Variants in PTK7 observed in about 807,000 individuals in gnomAD.
PTK7 encodes protein tyrosine kinase 7 (inactive), also known as inactive tyrosine-protein kinase 7.
Under a neutral mutation model 116.6 loss-of-function variants are expected in PTK7, and 39 were observed. The observed-to-expected ratio is 0.33, with a 90% CI of 0.26 to 0.44. The LOEUF (loss-of-function observed/expected upper bound fraction) is 0.44. PTK7 is among the 20% of genes least tolerant of loss of function. The pLI, the probability that PTK7 is intolerant of heterozygous loss-of-function variation, is 1.00. For synonymous variants in PTK7, 546 were observed against 563.6 expected (o/e 0.97, Z 0.44); for missense variants, 1,169 against 1,425.6 (o/e 0.82, Z 2.90).
chr6:43,147,247 G>T (rs895381015), intron 17 of PTK7, among the ~76,000 whole-genome samples: 1 of 152,226 alleles, frequency 6.6e-6, no homozygotes, highest in Non-Finnish European at 1.5e-5. Context: ...TGCCTTTTGC[G>T]CAGAGGTTGT....
At chr6:43,096,859 C>G (rs1253113503) in intron 1 of PTK7, among the ~76,000 whole-genome samples, 1 of 135,900 alleles carries the variant, frequency 7.4e-6, no homozygotes, top group Non-Finnish European at 1.6e-5. Flanking sequence ...CATTTGCATT[C>G]ATTAAAAGTA....
chr6:43,111,552 AACTCACATAAT>A (rs1205493548), intron 1 of PTK7, among the ~76,000 whole-genome samples: 8 of 152,254 alleles, frequency 5.3e-5, no homozygotes, highest in African/African-American at 1.9e-4. Context: ...TAAGAGTCCA[AACTCACATAAT>A]ACTTCCTATG....
At chr6:43,105,481 G>T (rs1301896801) in intron 1 of PTK7, among the ~76,000 whole-genome samples, 1 of 143,166 alleles carries the variant, frequency 7.0e-6, no homozygotes. Flanking sequence ...GCAACTTGCA[G>T]AATAGCAGAT....
chr6:43,139,528 G>GGGTACA lies in PTK7; in HGVS notation c.1618+5_1618+10dup. ...CACTATTAAGTGGGAACGGGCAGGTGGGTACAGTGCCGGCATAGGGTAGGG... is the reference window on the plus strand; with the variant it reads ...CACTATTAAGTGGGAACGGGCAGGTGGGTACAGGTACAGTGCCGGCATAGGGTAGGG... On this transcript the variant is annotated splice_donor_region_variant and intron_variant, in intron 10 of 19. Coordinates refer to ENST00000230419, the MANE Select transcript of PTK7 (RefSeq NM_002821.5). This position sits in a 1 kb window ranked among gnomAD's most constrained non-coding sequence, Gnocchi z 4.6. 1 of 1,614,086 alleles carries GGGTACA rather than the reference G, an allele frequency of 6.2e-7. No homozygotes were observed. Among genetic ancestry groups the GGGTACA allele is most frequent in the African/African-American group, 1.3e-5 (1 of 75,070 alleles).
intron 1 of PTK7, among the ~76,000 whole-genome samples, chr6:43,097,520 C>T (rs1767329118): frequency 6.6e-6 from 1 of 152,188 alleles, no homozygotes; most frequent in Admixed American, 6.5e-5. Flanking sequence ...TTATAGCTTT[C>T]ATCAGATTCT....
chr6:43,107,821 AT>A (rs1164956112), intron 1 of PTK7, among the ~76,000 whole-genome samples: 1 of 152,210 alleles, frequency 6.6e-6, no homozygotes, highest in Admixed American at 6.5e-5. Flanking sequence ...ATCGGCCGAT[AT>A]TTCCTGAGCA....
chr6:43,104,808 C>CG (rs1767775000), intron 1 of PTK7, among the ~76,000 whole-genome samples: 1 of 102,846 alleles, frequency 9.7e-6, no homozygotes, highest in South Asian at 3.3e-4. Context: ...ATTAGCACAA[C>CG]TTTTTTTTTT....
At chr6:43,096,889 T>C (rs1481425748) in intron 1 of PTK7, among the ~76,000 whole-genome samples, 2 of 144,500 alleles carry the variant, frequency 1.4e-5, no homozygotes, top group African/African-American at 2.6e-5. Context: ...GAGTGATATT[T>C]AAGGCAACAT....
intron 1 of PTK7, among the ~76,000 whole-genome samples, chr6:43,090,672 G>A (rs895453744): frequency 6.6e-6 from 1 of 152,172 alleles, no homozygotes; most frequent in Non-Finnish European, 1.5e-5. Context: ...GCAGACAAAG[G>A]TTTGGGATGG....
Position 43,142,167 on chromosome 6 carries a change from G to A in PTK7, c.1920-5G>A, listed in dbSNP as rs766676199. The stretch of plus-strand genomic sequence containing the variant: ...TGGCCAGCACTATGGCTTCTCCCCC[G>A]ACAGGATGCACATCTTCCAGAATGG... On this transcript the variant is annotated splice_region_variant and splice_polypyrimidine_tract_variant and intron_variant, in intron 12 of 19. Transcript: ENST00000230419. 3.8e-5 allele frequency: 61 copies of A among 1,613,658 alleles called. No homozygotes were observed. The highest frequency in any genetic ancestry group is 4.7e-5 in the Non-Finnish European group (55 of 1,179,938).
rs1204642215 is a variant in PTK7 at position 43,141,850 on chromosome 6, G to C, written c.1768+33G>C. The C allele has an allele frequency of 6.2e-7, 1 of 1,608,766 alleles. No homozygotes were observed. The highest frequency in any genetic ancestry group is 2.2e-5 in the East Asian group (1 of 44,776). On this transcript the variant is annotated intron_variant, in intron 11 of 19. Transcript: ENST00000230419. This position sits in a 1 kb window ranked among gnomAD's most constrained non-coding sequence, Gnocchi z 4.9. ...CGTGGCAGGGCCCTGGGGCTGGGAG[G>C]GCCCTCTGGGGTAGCACCGTGTACC...
At chr6:43,101,779 C>T (rs16896279) in intron 1 of PTK7, among the ~76,000 whole-genome samples, 8,162 of 152,144 alleles carry the variant, frequency 0.054, 539 homozygotes, top group East Asian at 0.32. Context: ...GTGTAAAAGT[C>T]TAATATAGAA....
rs376985084 is a variant in PTK7 at position 43,160,080 on chromosome 6, C to T, written c.3052+114C>T. The T allele has an allele frequency of 1.4e-4, 154 of 1,117,286 alleles. No individual in the cohort carries two copies. The African/African-American group carries it at 2.0e-3, about 14-fold the overall frequency. 69.2% of individuals were successfully genotyped at this position (1,117,286 alleles called of 1,614,324 possible). A position where few individuals can be genotyped will look rare whatever the true frequency, so the allele number is the denominator to read the frequency against. Reference sequence around the variant, plus strand: ...TCTCAGGGCTGCTACTGAGCAGGCACACAGATACAACCACTCTGGTTGTTA... The same window carrying T: ...TCTCAGGGCTGCTACTGAGCAGGCATACAGATACAACCACTCTGGTTGTTA... On this transcript the variant is annotated intron_variant, in intron 19 of 19. Coordinates refer to ENST00000230419, the MANE Select transcript of PTK7 (RefSeq NM_002821.5).
rs542251860 is a variant in PTK7, at chr6:43,095,461, A to G, written c.79+18894A>G. Among the ~76,000 whole-genome samples, 26 of 152,016 alleles carry G rather than the reference A, an allele frequency of 1.7e-4. 1 individual carries two copies. In the South Asian group the frequency reaches 2.7e-3, roughly 16 times the overall value. ...CGTGTGTCAAGCCTTCTACCTGTTC[A>G]CTTCTGTAGGCTTAAGCACTTTACC... On this transcript the variant is annotated intron_variant, in intron 1 of 19. Transcript: ENST00000230419.
chr6:43,160,801 G>A lies in PTK7; in HGVS notation c.3133G>A (p.Ala1045Thr), dbSNP rs367820758. The change falls in exon 20 of 20, where the codon GCC (alanine) becomes ACC (threonine). Residue 1045 changes from alanine to threonine, a missense_variant. Physicochemically the swap from Ala to Thr is moderately conservative, Grantham distance 58. Transcript: ENST00000230419. ...CTATCGGCTGATGCAGCGCTGCTGGGCCCTCAGCCCCAAGGACCGGCCCTC... is the reference window on the plus strand; with the variant it reads ...CTATCGGCTGATGCAGCGCTGCTGGACCCTCAGCCCCAAGGACCGGCCCTC... ...KLYRLMQRCWALSPKDRPSFS... is the reference protein window; with the variant it reads ...KLYRLMQRCWTLSPKDRPSFS... 38 of 1,614,192 alleles carry A rather than the reference G, an allele frequency of 2.4e-5. No individual in the cohort carries two copies. The highest frequency in any genetic ancestry group is 6.7e-5 in the Admixed American group (4 of 60,026).
intron 1 of PTK7, among the ~76,000 whole-genome samples, chr6:43,101,562 AT>A (rs1205999063): frequency 1.3e-5 from 2 of 151,798 alleles, no homozygotes; most frequent in Non-Finnish European, 2.9e-5. Flanking sequence ...AAAAAAAAAA[AT>A]AAAAAAAAAA....
At chr6:43,078,046 A>G (rs568130316) in intron 1 of PTK7, among the ~76,000 whole-genome samples, 39 of 152,372 alleles carry the variant, frequency 2.6e-4, no homozygotes, top group Middle Eastern at 3.4e-3. Flanking sequence ...CCAAGCTCAC[A>G]GGCCCCCTGG....
chr6:43,138,409 G>A (rs1770176396), intron 7 of PTK7: 1 of 153,956 alleles, frequency 6.5e-6, no homozygotes, highest in African/African-American at 2.4e-5. Context: ...CGGGCGTGGT[G>A]GCTCATGCCT....
intron 1 of PTK7, among the ~76,000 whole-genome samples, chr6:43,084,254 C>T (rs963034325): frequency 6.6e-6 from 1 of 152,184 alleles, no homozygotes; most frequent in African/African-American, 2.4e-5. Context: ...CCTCCGCCTC[C>T]CAAGTAGCTG....
Sources: allele counts gnomAD v4.1 joint callset (sites outside exome capture counted in the v4.1 genomes callset), GRCh38; gene constraint gnomAD v4.1.1; non-coding constraint Gnocchi (gnomAD v3.1); transcripts MANE v1.5; gene names NCBI Gene and HGNC (gene_info 2026-07-23, HGNC 2026-07-21).